Variants in NFATC2 observed in about 807,000 individuals in gnomAD.
NFATC2 encodes nuclear factor of activated T cells 2, also known as nuclear factor of activated T-cells, cytoplasmic 2.
A neutral mutation model predicts 87.3 loss-of-function variants in NFATC2; 22 were observed. The ratio of observed to expected loss-of-function variants is 0.25; its 90% CI spans 0.18 to 0.36. NFATC2 has a LOEUF of 0.36. Ranked by LOEUF, NFATC2 falls within the 10% of genes least tolerant of loss-of-function variation. The probability of loss-of-function intolerance (pLI) is 1.00; values close to 1 mark genes in which losing one functional copy is unlikely to be tolerated. For synonymous variants in NFATC2, 565 were observed against 542.2 expected (o/e 1.04, Z -0.58); for missense variants, 1,149 against 1,259.1 (o/e 0.91, Z 1.32).
chr20:51,408,635 C>T (rs979313718), intron 9 of NFATC2, among the ~76,000 whole-genome samples: 2 of 151,270 alleles, frequency 1.3e-5, no homozygotes, highest in African/African-American at 2.4e-5. Context: ...GTTATCCATA[C>T]AAAAAAACAG....
rs536215669 is a variant in NFATC2, at chr20:51,562,565, T to C, written c.65A>G (p.Asp22Gly). 6.4e-7 allele frequency: 1 copy of C among 1,550,724 alleles called. No individual in the cohort carries two copies. The highest frequency in any genetic ancestry group is 2.4e-5 in the East Asian group (1 of 40,888). ...AGGGATCGAGAGTCAGTTACCTTGG[T>C]CCACAGACCCCATGATGCGGAGGGG... The change falls in exon 1 of 11, where the codon GAC (aspartate) becomes GGC (glycine). Residue 22 changes from aspartate to glycine, a missense_variant. Physicochemically the swap from Asp to Gly is moderately conservative, Grantham distance 94. Transcript: ENST00000414705. This position sits in a 1 kb window ranked among gnomAD's most constrained non-coding sequence, Gnocchi z 5.8.
rs746140198 is a variant in NFATC2, at chr20:51,432,295, T to C, written c.2494A>G (p.Met832Val). Residue 832 changes from methionine to valine, a missense_variant, in exon 9 of 11, where the codon ATG (methionine) becomes GTG (valine). Met to Val is a conservative substitution (Grantham distance 21). Transcript: ENST00000371564. The surrounding 1 kb of genome is among the most constrained non-coding windows in gnomAD (Gnocchi z 4.6). ...CCTGGTGCGAAATTCTCGCAGTACA[T>C]GATGTGCTGGAACTCCTGGTGGCTT... ...CGSHQEFQHI[M>V]YCENFAPGTT... 1.2e-6 allele frequency: 2 copies of C among 1,614,174 alleles called. No homozygotes were observed. The highest frequency in any genetic ancestry group is 1.7e-6 in the Non-Finnish European group (2 of 1,180,018).
chr20:51,401,394 CCACA>C (rs2146241070), intron 9 of NFATC2, among the ~76,000 whole-genome samples: 1 of 151,930 alleles, frequency 6.6e-6, no homozygotes, highest in Non-Finnish European at 1.5e-5. Context: ...TTTATTAAGC[CCACA>C]ATATGGTCCC....
intron 9 of NFATC2, among the ~76,000 whole-genome samples, chr20:51,400,509 A>C (rs1987908847): frequency 6.6e-6 from 1 of 152,166 alleles, no homozygotes; most frequent in Non-Finnish European, 1.5e-5. Flanking sequence ...GGACTCGAGA[A>C]ACCAAGCCCT....
chr20:51,462,552 G>T (rs1987271532), intron 5 of NFATC2, among the ~76,000 whole-genome samples: 1 of 152,102 alleles, frequency 6.6e-6, no homozygotes, highest in African/African-American at 2.4e-5. Context: ...CCCACACCAA[G>T]AAGCAATTTA....
chr20:51,507,029 C>G (rs958879952), intron 3 of NFATC2, among the ~76,000 whole-genome samples: 7 of 152,234 alleles, frequency 4.6e-5, no homozygotes, highest in African/African-American at 1.7e-4. Flanking sequence ...ACTCTCACAT[C>G]CAGCCCCGGC....
intron 1 of NFATC2, among the ~76,000 whole-genome samples, chr20:51,548,323 A>T (rs2076906222): frequency 6.6e-6 from 1 of 152,178 alleles, no homozygotes; most frequent in South Asian, 2.1e-4. Context: ...ATCCCCCGGC[A>T]TTCTCTGTCT....
chr20:51,447,527 A>AATGTTT (rs1985221224), intron 6 of NFATC2, among the ~76,000 whole-genome samples: 1 of 152,200 alleles, frequency 6.6e-6, no homozygotes, highest in South Asian at 2.1e-4. Context: ...GATCCCACCC[A>AATGTTT]GGCGCAGCGA....
chr20:51,496,431 C>G (rs1469524486), intron 3 of NFATC2, among the ~76,000 whole-genome samples: 1 of 151,780 alleles, frequency 6.6e-6, no homozygotes, highest in Non-Finnish European at 1.5e-5. Context: ...CTGCAACCAC[C>G]CCCCGCCCCC....
At chr20:51,401,849 AAGGTGTCAACAAAT>A (rs11266934) in intron 9 of NFATC2, among the ~76,000 whole-genome samples, 134,202 of 151,990 alleles carry the variant, frequency 0.88, 59,386 homozygotes, top group South Asian at 0.92. Flanking sequence ...ATAAAAACAC[AAGGTGTCAACAAAT>A]AGCCATTACA....
chr20:51,412,907 C>T (rs1979457834), intron 9 of NFATC2, among the ~76,000 whole-genome samples: 1 of 151,860 alleles, frequency 6.6e-6, no homozygotes. Context: ...ACAAGGAGCA[C>T]AGGAGAAGGA....
chr20:51,419,857 A>G (rs2146297381), intron 9 of NFATC2, among the ~76,000 whole-genome samples: 1 of 152,316 alleles, frequency 6.6e-6, no homozygotes, highest in African/African-American at 2.4e-5. Context: ...CAGGCTTCAG[A>G]ATATCTGAGG....
chr20:51,412,440 C>T (rs1050701346), intron 9 of NFATC2, among the ~76,000 whole-genome samples: 1 of 152,222 alleles, frequency 6.6e-6, no homozygotes, highest in African/African-American at 2.4e-5. Flanking sequence ...CTTCTCCACA[C>T]GGGCCAGGGG....
chr20:51,528,970 G>A (rs555643854), intron 1 of NFATC2, among the ~76,000 whole-genome samples: 1 of 152,250 alleles, frequency 6.6e-6, no homozygotes, highest in East Asian at 1.9e-4. Context: ...GAGTTCTTGT[G>A]AGGCTGTAGT....
chr20:51,484,179 G>A (rs541161360), intron 3 of NFATC2, among the ~76,000 whole-genome samples: 89 of 149,516 alleles, frequency 6.0e-4, no homozygotes, highest in African/African-American at 1.5e-3. Flanking sequence ...GCAGGTGCCC[G>A]TCCCTGCATC....
chr20:51,439,562 T>A (rs1303375268), intron 6 of NFATC2, among the ~76,000 whole-genome samples: 1 of 152,010 alleles, frequency 6.6e-6, no homozygotes, highest in Non-Finnish European at 1.5e-5. Flanking sequence ...TCCCACAGCC[T>A]CCCCAGAGCC....
At chr20:51,505,421 G>A (rs969143113) in intron 3 of NFATC2, among the ~76,000 whole-genome samples, 2 of 149,916 alleles carry the variant, frequency 1.3e-5, no homozygotes, top group South Asian at 2.1e-4. Context: ...AATACATATC[G>A]GTGTACATAC....
At chr20:51,401,413 A>T (rs75690498) in intron 9 of NFATC2, among the ~76,000 whole-genome samples, 3,635 of 152,280 alleles carry the variant, frequency 0.024, 145 homozygotes, top group African/African-American at 0.083. Flanking sequence ...GGTCCCCTAA[A>T]GAAGATGGAA....
chr20:51,424,750 G>C (rs1279166437), intron 9 of NFATC2, among the ~76,000 whole-genome samples: 1 of 152,006 alleles, frequency 6.6e-6, no homozygotes, highest in African/African-American at 2.4e-5. Flanking sequence ...TGATACGGAA[G>C]TTTCCACCCA....
Sources: gnomAD v4.1 joint callset for allele counts (sites outside exome capture counted in the v4.1 genomes callset) on GRCh38, gnomAD v4.1.1 for gene constraint, Gnocchi (gnomAD v3.1) non-coding constraint, MANE v1.5 for transcripts, NCBI Gene and HGNC (gene_info 2026-07-23, HGNC 2026-07-21) for gene names.